The following INTS1 variants were observed in gnomAD, a reference collection of about 807,000 sequenced individuals.
INTS1 encodes the protein integrator complex subunit 1.
Under a neutral mutation model 241.6 loss-of-function variants are expected in INTS1, and 137 were observed. The ratio of observed to expected loss-of-function variants is 0.57; its 90% confidence interval spans 0.49 to 0.65. The LOEUF is 0.65. Ranked by LOEUF, INTS1 falls within the 30% of genes least tolerant of loss-of-function variation. The pLI is 0.00. For synonymous variants in INTS1, 1,692 were observed against 1,337.8 expected (o/e 1.26, Z -5.78); for missense variants, 3,073 against 3,032.2 (o/e 1.01, Z -0.32).
At chr7:1,471,868 A>G (rs57790608) in intron 44 of INTS1, 284,459 of 589,470 alleles carry the variant, frequency 0.48, 73,235 homozygotes, top group African/African-American at 0.75. Context: ...CCCTCACGGC[A>G]GCCCCATATC....
chr7:1,476,337 A>T lies in INTS1; in HGVS notation c.5270T>A (p.Leu1757His). 3 of 1,582,376 alleles carry T rather than the reference A, an allele frequency of 1.9e-6. No homozygotes were observed. Among genetic ancestry groups the T allele is most frequent in the Non-Finnish European group, 2.6e-6 (3 of 1,166,626 alleles). The change falls in exon 38 of 48, where the codon CTC becomes CAC. Residue 1757 changes from leucine to histidine, a missense_variant. Leu to His is a moderately conservative substitution (Grantham distance 99). Coordinates refer to ENST00000404767, the MANE Select transcript of INTS1 (RefSeq NM_001080453.3). ...SQDGDTAACS[L>H]IQARLPLLLS... ...CAGCAGGGGCAGCCGGGCCTGGATG[A>T]GGCTGCAGGCGGCTGTGTCCCCGTC...
In INTS1 at chr7:1,487,324, C is replaced by T. The variant is rs1421738822; in HGVS notation, c.2642G>A (p.Arg881Gln). ...NPDFLLHIIQ[R>Q]QASSQSMPWL... is the part of the protein sequence containing the mutation. ...TCCTGGAGCCTCGGCACTCACCTGC[C>T]GCTGGATGATGTGGAGGAGAAAGTC... Residue 881 changes from arginine (R) to glutamine (Q), a missense_variant, in exon 20 of 48, where the codon CGG becomes CAG. Physicochemically the swap from Arg to Gln is conservative, Grantham distance 43. Transcript: ENST00000404767. 5 of 1,595,332 alleles carry T rather than the reference C, an allele frequency of 3.1e-6. No homozygotes were observed. Among genetic ancestry groups the T allele is most frequent in the Admixed American group, 1.7e-5 (1 of 57,294 alleles).
At position 1,498,724 on chromosome 7, in the gene INTS1, G is replaced by A; in HGVS notation, c.1266C>T (p.His422=). 1 of 1,554,794 alleles carries A rather than the reference G, an allele frequency of 6.4e-7. No homozygotes were observed. The highest frequency in any genetic ancestry group is 1.2e-5 in the South Asian group (1 of 84,332). Residue 422 remains histidine, a synonymous_variant, in exon 9 of 48, where the codon CAC becomes CAT. Coordinates refer to ENST00000404767, the MANE Select transcript of INTS1 (RefSeq NM_001080453.3). ...CCACGCACCTGATGCACAGCATGAAGTGGTTGAGGAGGACCTTGGGCTTGA... is the reference window on the plus strand; with the variant it reads ...CCACGCACCTGATGCACAGCATGAAATGGTTGAGGAGGACCTTGGGCTTGA... ...IRLKPKVLLN[H]FMLCIRELLS...
Position 1,487,786 on chromosome 7 carries a change from C to T in INTS1, c.2490G>A (p.Leu830=), listed in dbSNP as rs774974661. ...QTITESSSLL[L]SQLTSLDPQG... ...GGGGGTCCAGGCTGGTGAGCTGCGA[C>T]AGGAGGAGGCTGCTGCTCTCAGTGA... Residue 830 remains leucine, a synonymous_variant, in exon 19 of 48, where the codon CTG becomes CTA. Coordinates refer to ENST00000404767, the MANE Select transcript of INTS1 (RefSeq NM_001080453.3). 6.2e-7 allele frequency: 1 copy of T among 1,610,610 alleles called. No homozygotes were observed. The highest frequency in any genetic ancestry group is 2.2e-5 in the East Asian group (1 of 44,870).
chr7:1,476,964 G>T, intron 35 of INTS1, 46 bp from the exon 36 acceptor site: 1 of 1,576,998 alleles, frequency 6.3e-7, no homozygotes. Flanking sequence ...TGGGCCAATG[G>T]CAGGCTCTGC....
intron 30 of INTS1, among the ~76,000 whole-genome samples, chr7:1,480,036 G>A (rs1031401649): frequency 2.6e-5 from 4 of 152,356 alleles, no homozygotes; most frequent in East Asian, 1.9e-4. Context: ...ACATCAAACC[G>A]GGTGCCCCGC....
intron 17 of INTS1, 84 bp downstream of exon 17, chr7:1,489,507 C>A: frequency 9.1e-6 from 14 of 1,533,392 alleles, no homozygotes; most frequent in Non-Finnish European, 1.2e-5. Flanking sequence ...TGGGCTCATC[C>A]CAAGTCCCAA....
chr7:1,500,422 C>A lies in INTS1; in HGVS notation c.350-56G>T, dbSNP rs1345747802. 3.4e-6 allele frequency: 5 copies of A among 1,453,214 alleles called. No individual in the cohort carries two copies. The East Asian group carries it at 9.9e-5, about 29-fold the overall frequency. 90.0% of individuals were successfully genotyped at this position (1,453,214 alleles called of 1,614,324 possible). A position where few individuals can be genotyped will look rare whatever the true frequency, so the allele number is the denominator to read the frequency against. ...GGGCCAGGGCAGGGTCACCCCAAAG[C>A]CTCGGGACACCGGGAAGACCACGAG... On this transcript the variant is annotated intron_variant, in intron 3 of 47. Transcript: ENST00000404767.
rs1781746421 is a variant in INTS1, at chr7:1,476,786, G to C, written c.5063+8C>G. 2 of 1,612,570 alleles carry C rather than the reference G, an allele frequency of 1.2e-6. No individual in the cohort carries two copies. Among genetic ancestry groups the C allele is most frequent in the African/African-American group, 2.7e-5 (2 of 74,940 alleles). On this transcript the variant is annotated splice_region_variant and intron_variant, in intron 36 of 47. Transcript: ENST00000404767. ...CGCAGCCCAGGTTGGGGACAGGGAG[G>C]CGCCCACCTCTGTTCCCGGCTCTTG...
chr7:1,476,931 G>A lies in INTS1; in HGVS notation c.4939-13C>T. The A allele has an allele frequency of 6.2e-6, 10 of 1,605,842 alleles. No individual in the cohort carries two copies. Among genetic ancestry groups the A allele is most frequent in the Non-Finnish European group, 8.5e-6 (10 of 1,178,134 alleles). On this transcript the variant is annotated splice_polypyrimidine_tract_variant and intron_variant, in intron 35 of 47. Coordinates refer to ENST00000404767, the MANE Select transcript of INTS1 (RefSeq NM_001080453.3). The stretch of plus-strand genomic sequence containing the variant: ...CCTGACCTTTGCCCTGGGGAGGGAG[G>A]AAGAAGCCCGGATGGCCTCACCTGG...
intron 16 of INTS1, among the ~76,000 whole-genome samples, chr7:1,491,888 G>C (rs1173977959): frequency 6.6e-6 from 1 of 152,198 alleles, no homozygotes; most frequent in Non-Finnish European, 1.5e-5. Context: ...GACAGACAGA[G>C]CAAGACTCCG....
intron 3 of INTS1, chr7:1,501,324 T>C (rs960201526): frequency 5.3e-5 from 8 of 151,650 alleles, no homozygotes; most frequent in African/African-American, 1.7e-4. Context: ...AAATAATAAG[T>C]AAATACATAT....
Position 1,493,847 on chromosome 7 carries a change from T to C in INTS1, c.1975A>G (p.Ile659Val), listed in dbSNP as rs757229652. Residue 659 changes from isoleucine (I) to valine (V), a missense_variant, in exon 15 of 48, where the codon ATC becomes GTC. Transcript: ENST00000404767. The surrounding 1 kb of genome is among the most constrained non-coding windows in gnomAD (Gnocchi z 5.3). ...AGCGGGAGCTCCCGGGACAGCCCGA[T>C]GACCAGGATGCGCATCAGCGTGTCC... ...LEDTLMRILV[I>V]GLSRELPLGP... The C allele has an allele frequency of 1.8e-5, 29 of 1,569,084 alleles. No homozygotes were observed. In the Admixed American group the frequency reaches 2.6e-4, roughly 14 times the overall value.
At chr7:1,494,328 G>A (rs892527) in intron 14 of INTS1, 121,483 of 252,490 alleles carry the variant, frequency 0.48, 31,045 homozygotes, top group East Asian at 0.7. Context: ...CCCAGGGCAC[G>A]AGGTGGGGGC....
intron 27 of INTS1, 168 bp downstream of exon 27, chr7:1,482,378 A>T: frequency 1.6e-6 from 1 of 611,354 alleles, no homozygotes; most frequent in Non-Finnish European, 2.7e-6. Context: ...CCCAGGGTCC[A>T]GCACAGCCTG....
In INTS1 at chr7:1,477,849, G is replaced by T; in HGVS notation, c.4718C>A (p.Pro1573Gln). The T allele has an allele frequency of 6.2e-7, 1 of 1,612,600 alleles. No homozygotes were observed. Among genetic ancestry groups the T allele is most frequent in the Non-Finnish European group, 8.5e-7 (1 of 1,179,836 alleles). ...FFSATADAAS[P>Q]FPACKPVVVV... Reference sequence around the variant, plus strand: ...CACAACGGGCTTACAGGCTGGAAACGGGGAGGCAGCATCCGCAGTGGCAGA... The same window carrying T: ...CACAACGGGCTTACAGGCTGGAAACTGGGAGGCAGCATCCGCAGTGGCAGA... The change falls in exon 34 of 48, where the codon CCG becomes CAG. Residue 1573 changes from proline to glutamine, a missense_variant. By Grantham distance (76) the Pro-to-Gln change is moderately conservative. Coordinates refer to ENST00000404767, the MANE Select transcript of INTS1 (RefSeq NM_001080453.3).
chr7:1,485,241 C>T, intron 23 of INTS1, 39 bp from the exon 24 acceptor site: 1 of 1,597,120 alleles, frequency 6.3e-7, no homozygotes, highest in Non-Finnish European at 8.5e-7. Context: ...CAGGGCAGGG[C>T]TGCGGCCCTC....
chr7:1,477,856 C>G lies in INTS1; in HGVS notation c.4711G>C (p.Ala1571Pro). Residue 1571 changes from alanine to proline, a missense_variant, in exon 34 of 48, where the codon GCC becomes CCC. Ala to Pro is a conservative substitution (Grantham distance 27, BLOSUM62 -1). Transcript: ENST00000404767. ...GGCTTACAGGCTGGAAACGGGGAGG[C>G]AGCATCCGCAGTGGCAGAGAAGAAT... is the stretch of plus-strand genomic sequence containing the variant. ...TAFFSATADA[A>P]SPFPACKPVV... 4.3e-6 allele frequency: 7 copies of G among 1,612,622 alleles called. No individual in the cohort carries two copies. Among genetic ancestry groups the G allele is most frequent in the Non-Finnish European group, 5.1e-6 (6 of 1,179,852 alleles).
rs200579639 is a variant in INTS1, at chr7:1,481,487, G to A, written c.3705C>T (p.Ala1235=). The A allele has an allele frequency of 3.1e-6, 5 of 1,607,248 alleles. No individual in the cohort carries two copies. In the East Asian group the frequency reaches 6.7e-5, roughly 22 times the overall value. The change falls in exon 28 of 48, where the codon GCC becomes GCT. Residue 1235 remains alanine (A), a splice_region_variant and synonymous_variant. Transcript: ENST00000404767. This position sits in a 1 kb window ranked among gnomAD's most constrained non-coding sequence, Gnocchi z 6.8. The part of the protein sequence containing the change: ...RSEVLRLVDA[A]LQDLEPQQLL... ...GCTGCTGCGGCTCCAGGTCCTGCAG[G>A]GCTGAGGGTGCACGCGCTCCGTAAC...
Sources: gnomAD v4.1 joint callset for allele counts (sites outside exome capture counted in the v4.1 genomes callset) on GRCh38, gnomAD v4.1.1 for gene constraint, Gnocchi (gnomAD v3.1) non-coding constraint, MANE v1.5 for transcripts, NCBI Gene and HGNC (gene_info 2026-07-23, HGNC 2026-07-21) for gene names.